The following RBM6 variants were observed in gnomAD, a reference collection of about 807,000 sequenced individuals.
RBM6 encodes RNA-binding protein 6.
RBM6 carries 23 observed loss-of-function variants against 140.4 expected under a neutral mutation model. That is an observed-to-expected ratio of 0.16 (90% CI 0.12 to 0.23). The LOEUF (loss-of-function observed/expected upper bound fraction) is 0.23. RBM6 is among the 10% of genes least tolerant of loss of function. The pLI, the probability that RBM6 is intolerant of heterozygous loss-of-function variation, is 1.00. For missense variants in RBM6, 1,139 were observed against 1,386.7 expected, an observed-to-expected ratio of 0.82 and a Z score of 2.84; for synonymous variants, 439 against 475.6, an observed-to-expected ratio of 0.92 and a Z score of 1.00.
intron 6 of RBM6, among the ~76,000 whole-genome samples, chr3:50,002,699 C>CAATTAT (rs1168503391): frequency 6.6e-6 from 1 of 152,024 alleles, no homozygotes; most frequent in African/African-American, 2.4e-5. Context: ...GCCTGGCCTT[C>CAATTAT]AATTATAATT....
chr3:49,964,033 T>A (rs1469247007), intron 2 of RBM6, among the ~76,000 whole-genome samples: 1 of 152,120 alleles, frequency 6.6e-6, no homozygotes. Flanking sequence ...CCTGAGTAGC[T>A]GGGACTACAG....
chr3:50,015,431 ATTT>A (rs1203865246), intron 6 of RBM6, among the ~76,000 whole-genome samples: 10 of 145,832 alleles, frequency 6.9e-5, no homozygotes, highest in African/African-American at 1.8e-4. Context: ...TATTATTATT[ATTT>A]TTTTTTTTTT....
chr3:49,964,219 A>G (rs561318132), intron 2 of RBM6, among the ~76,000 whole-genome samples: 4 of 152,298 alleles, frequency 2.6e-5, no homozygotes, highest in East Asian at 1.9e-4. Flanking sequence ...TGGATTGGCA[A>G]TCTGCAAGAT....
In RBM6 at chr3:50,065,047, G is replaced by A. The variant is rs765899020; in HGVS notation, c.2603G>A (p.Ser868Asn). The change falls in exon 16 of 21, where the codon AGT becomes AAT. Residue 868 changes from serine (S) to asparagine (N), a missense_variant. Transcript: ENST00000266022. The part of the protein sequence containing the change: ...RGVTRFQENA[S>N]EGKAPAEDVF... ...TTTGATCAGTTTCAGGAAAATGCCAGTGAAGGGAAGGCCCCTGCAGAAGAC... is the reference window on the plus strand; with the variant it reads ...TTTGATCAGTTTCAGGAAAATGCCAATGAAGGGAAGGCCCCTGCAGAAGAC... 13 of 1,613,490 alleles carry A rather than the reference G, an allele frequency of 8.1e-6. No homozygotes were observed. The highest frequency in any genetic ancestry group is 1.1e-5 in the Non-Finnish European group (13 of 1,179,482).
At position 50,061,943 on chromosome 3, in the gene RBM6, G is replaced by C. The variant is rs371739726; in HGVS notation, c.2440-19G>C. ...ACTGAAACATTCTGTAGACTTACTTGTTTCCAACTGTATCGCAGCAAGAAG... is the reference window on the plus strand; with the variant it reads ...ACTGAAACATTCTGTAGACTTACTTCTTTCCAACTGTATCGCAGCAAGAAG... On this transcript the variant is annotated intron_variant, in intron 14 of 20. Coordinates refer to ENST00000266022, the MANE Select transcript of RBM6 (RefSeq NM_005777.3). The C allele has an allele frequency of 5.6e-6, 9 of 1,609,920 alleles. No individual in the cohort carries two copies. The highest frequency in any genetic ancestry group is 6.8e-6 in the Non-Finnish European group (8 of 1,178,814).
chr3:50,073,185 C>T (rs1007864013), intron 19 of RBM6, among the ~76,000 whole-genome samples: 3 of 152,186 alleles, frequency 2.0e-5, no homozygotes, highest in Admixed American at 2.0e-4. Flanking sequence ...GTGACCAAAT[C>T]CCTAATTAAG....
At chr3:49,990,914 A>G (rs1413901860) in intron 5 of RBM6, among the ~76,000 whole-genome samples, 1 of 152,190 alleles carries the variant, frequency 6.6e-6, no homozygotes, top group Non-Finnish European at 1.5e-5. Flanking sequence ...ATACCAGGTA[A>G]TTCTGATACC....
intron 5 of RBM6, among the ~76,000 whole-genome samples, chr3:49,990,486 G>T (rs1245666343): frequency 6.6e-6 from 1 of 152,162 alleles, no homozygotes; most frequent in Non-Finnish European, 1.5e-5. Flanking sequence ...GTTTGCTGTT[G>T]ATCAAAATGT....
chr3:50,041,365 T>C (rs1034357392), intron 6 of RBM6, among the ~76,000 whole-genome samples: 23 of 152,216 alleles, frequency 1.5e-4, no homozygotes, highest in African/African-American at 5.5e-4. Context: ...AGAGCTGACA[T>C]AGGGCATTCT....
chr3:50,024,714 G>A (rs139306696), intron 6 of RBM6, among the ~76,000 whole-genome samples: 1 of 152,306 alleles, frequency 6.6e-6, no homozygotes, highest in African/African-American at 2.4e-5. Flanking sequence ...AGCACTTTGG[G>A]AGGCTGAAGC....
At chr3:49,948,146 C>A (rs1455564648) in intron 1 of RBM6, among the ~76,000 whole-genome samples, 1 of 152,102 alleles carries the variant, frequency 6.6e-6, no homozygotes, top group Non-Finnish European at 1.5e-5. Flanking sequence ...TATTTCTGGT[C>A]TCTCCATTCA....
rs116379815 is a variant in RBM6 at position 50,017,925 on chromosome 3, A to G, written c.1557+18412A>G. The stretch of plus-strand genomic sequence containing the variant: ...ACAATTTCTGTTCTTACATGAAGCT[A>G]TGAACAGTTCCTGTATAGTTATCCC... On this transcript the variant is annotated intron_variant, in intron 6 of 20. Coordinates refer to ENST00000266022, the MANE Select transcript of RBM6 (RefSeq NM_005777.3). Among the ~76,000 whole-genome samples the G allele has an allele frequency of 5.2e-3, 799 of 152,284 alleles. 2 individuals carry two copies. Among genetic ancestry groups the G allele is most frequent in the Middle Eastern group, 0.034 (10 of 294 alleles).
At chr3:50,000,896 A>G (rs1359786051) in intron 6 of RBM6, among the ~76,000 whole-genome samples, 1 of 152,194 alleles carries the variant, frequency 6.6e-6, no homozygotes, top group East Asian at 1.9e-4. Context: ...GACATGCTCT[A>G]AATGCTTTGG....
intron 1 of RBM6, among the ~76,000 whole-genome samples, chr3:49,951,851 T>C (rs1029220882): frequency 1.8e-4 from 27 of 152,158 alleles, no homozygotes; most frequent in Non-Finnish European, 3.7e-4. Context: ...ACCTCCCAAG[T>C]AGCTGGGAAT....
chr3:50,044,069 C>T lies in RBM6; in HGVS notation c.1558-4176C>T, dbSNP rs371006735. Among the ~76,000 whole-genome samples, 17 of 151,346 alleles carry T rather than the reference C, an allele frequency of 1.1e-4. No individual in the cohort carries two copies. The East Asian group carries it at 2.2e-3, about 19-fold the overall frequency. On this transcript the variant is annotated intron_variant, in intron 6 of 20. Coordinates refer to ENST00000266022, the MANE Select transcript of RBM6 (RefSeq NM_005777.3). Reference sequence around the variant, plus strand: ...CTAATTTTTTGTATTTTAGTAGAGACAGGGTTTCACTGTGTTGCCCAGGCT... The same window carrying T: ...CTAATTTTTTGTATTTTAGTAGAGATAGGGTTTCACTGTGTTGCCCAGGCT...
At chr3:49,951,999 G>A (rs1414321232) in intron 1 of RBM6, among the ~76,000 whole-genome samples, 2 of 151,536 alleles carry the variant, frequency 1.3e-5, no homozygotes, top group African/African-American at 4.9e-5. Flanking sequence ...GGGATTATAG[G>A]TGTGAGCCCC....
intron 4 of RBM6, among the ~76,000 whole-genome samples, chr3:49,973,297 T>C (rs1175342486): frequency 2.0e-5 from 3 of 152,008 alleles, no homozygotes; most frequent in Non-Finnish European, 2.9e-5. Context: ...GGGCTGTTTT[T>C]TGTATTGTGT....
At position 50,061,560 on chromosome 3, in the gene RBM6, C is replaced by CTTTTTTTTTGTTTTTTTTTTTTTTTTTTT; in HGVS notation, c.2439+22_2439+23insGTTTTTTTTTTTTTTTTTTTTTTTTTTTT. 7.9e-7 allele frequency: 1 copy of CTTTTTTTTTGTTTTTTTTTTTTTTTTTTT among 1,268,040 alleles called. No individual in the cohort carries two copies. Among genetic ancestry groups the CTTTTTTTTTGTTTTTTTTTTTTTTTTTTT allele is most frequent in the South Asian group, 2.0e-5 (1 of 50,798 alleles). The allele number at this position is 1,268,040 out of a possible 1,614,324, so 78.5% of individuals were successfully genotyped here. A position where few individuals can be genotyped will look rare whatever the true frequency, so the allele number is the denominator to read the frequency against. Reference sequence around the variant, plus strand: ...CCCCAATACCCAGGTGAGTTTGGGGCTTTTTTTTTTTTTTTTTTTTTTTTA... The same window carrying CTTTTTTTTTGTTTTTTTTTTTTTTTTTTT: ...CCCCAATACCCAGGTGAGTTTGGGGCTTTTTTTTTGTTTTTTTTTTTTTTTTTTTTTTTTTTTTTTTTTTTTTTTTTTTA... On this transcript the variant is annotated intron_variant, in intron 14 of 20. Coordinates refer to ENST00000266022, the MANE Select transcript of RBM6 (RefSeq NM_005777.3).
chr3:49,944,005 G>C (rs1312089948), intron 1 of RBM6, among the ~76,000 whole-genome samples: 4 of 152,056 alleles, frequency 2.6e-5, no homozygotes, highest in Non-Finnish European at 4.4e-5. Flanking sequence ...CTTGGTTTTT[G>C]CTTGTTTGTA....
Sources: allele counts gnomAD v4.1 joint callset (sites outside exome capture counted in the v4.1 genomes callset), GRCh38; gene constraint gnomAD v4.1.1; transcripts MANE v1.5; gene names NCBI Gene and HGNC (gene_info 2026-07-23, HGNC 2026-07-21).